Variants in AFG1L observed in about 807,000 individuals in gnomAD.
AFG1L encodes AFG1-like ATPase.
A neutral mutation model predicts 62.2 loss-of-function variants in AFG1L; 53 were observed. The ratio of observed to expected loss-of-function variants is 0.85; its 90% CI spans 0.68 to 1.07. The LOEUF (loss-of-function observed/expected upper bound fraction) is 1.07, where lower values mean the gene tolerates loss of function less well. Among genes scored for constraint, AFG1L ranks in the 50% least tolerant of loss-of-function variants. The pLI, the probability that AFG1L is intolerant of heterozygous loss-of-function variation, is 0.00. For missense variants in AFG1L, 555 were observed against 590.5 expected (o/e 0.94, Z 0.62); for synonymous variants, 228 against 210.3 (o/e 1.08, Z -0.73).
At chr6:108,416,075 G>C (rs1770253301) in intron 7 of AFG1L, among the ~76,000 whole-genome samples, 1 of 152,136 alleles carries the variant, frequency 6.6e-6, no homozygotes, top group East Asian at 1.9e-4. Flanking sequence ...AAATTTACAA[G>C]AAAAAGTCAA....
chr6:108,427,235 C>T lies in AFG1L; in HGVS notation c.808-19979C>T, dbSNP rs1184249417. On this transcript the variant is annotated intron_variant, in intron 7 of 12. Coordinates refer to ENST00000368977, the MANE Select transcript of AFG1L (RefSeq NM_145315.5). ...CTTCTGCCTCAGCCTTCTGAGTAGC[C>T]AGGACTACACACTTGGCTAACTTTT... 2.0e-5 allele frequency among the ~76,000 whole-genome samples: 3 copies of T among 151,938 alleles called. No homozygotes were observed. The East Asian group carries it at 5.8e-4, about 29-fold the overall frequency.
intron 2 of AFG1L, among the ~76,000 whole-genome samples, chr6:108,338,110 C>T (rs142400709): frequency 1.6e-3 from 239 of 152,192 alleles, no homozygotes; most frequent in African/African-American, 4.7e-3. Flanking sequence ...CTCTTGAGCC[C>T]GGGAGGTCAA....
At chr6:108,297,134 C>G (rs1401154997) in intron 1 of AFG1L, among the ~76,000 whole-genome samples, 3 of 152,164 alleles carry the variant, frequency 2.0e-5, no homozygotes, top group East Asian at 3.9e-4. Context: ...TGAGATAGAG[C>G]CTTGCTCTGT....
chr6:108,508,957 G>C (rs1310581774), intron 10 of AFG1L, among the ~76,000 whole-genome samples: 1 of 152,072 alleles, frequency 6.6e-6, no homozygotes, highest in Non-Finnish European at 1.5e-5. Context: ...GGTCGATCAG[G>C]GTGACCCAGG....
At chr6:108,412,588 A>C (rs1028619558) in intron 7 of AFG1L, among the ~76,000 whole-genome samples, 3 of 152,228 alleles carry the variant, frequency 2.0e-5, no homozygotes, top group Non-Finnish European at 4.4e-5. Context: ...CCTTCAAGCC[A>C]GAAGAGAGTG....
At chr6:108,505,727 T>G (rs896162538) in intron 10 of AFG1L, among the ~76,000 whole-genome samples, 19 of 152,102 alleles carry the variant, frequency 1.2e-4, no homozygotes, top group Non-Finnish European at 2.2e-4. Context: ...AGGGATGAGC[T>G]TAAGAGCAGA....
intron 7 of AFG1L, among the ~76,000 whole-genome samples, chr6:108,410,009 G>T (rs1782028766): frequency 1.3e-5 from 2 of 152,066 alleles, no homozygotes; most frequent in South Asian, 4.1e-4. Context: ...CCCCCATCAA[G>T]AATCATACAT....
intron 7 of AFG1L, among the ~76,000 whole-genome samples, chr6:108,402,334 G>A (rs997581888): frequency 8.1e-5 from 9 of 111,378 alleles, no homozygotes; most frequent in Non-Finnish European, 1.2e-4. Context: ...GTGGTGGCAT[G>A]CACCTGTAAT....
At chr6:108,442,822 C>T (rs952306690) in intron 7 of AFG1L, among the ~76,000 whole-genome samples, 2 of 152,118 alleles carry the variant, frequency 1.3e-5, no homozygotes, top group Non-Finnish European at 2.9e-5. Flanking sequence ...CCAGAAACCC[C>T]CCTTAGTCTT....
chr6:108,476,861 G>A lies in AFG1L; in HGVS notation c.891-4G>A, dbSNP rs1477306931. On this transcript the variant is annotated splice_polypyrimidine_tract_variant and splice_region_variant and intron_variant, in intron 8 of 12. Coordinates refer to ENST00000368977, the MANE Select transcript of AFG1L (RefSeq NM_145315.5). ...TTCATATTCTATTATTCTTTTCACTGTAGCACAAGTGAAGCTGATGTGGAG... is the reference window on the plus strand; with the variant it reads ...TTCATATTCTATTATTCTTTTCACTATAGCACAAGTGAAGCTGATGTGGAG... 2.5e-6 allele frequency: 4 copies of A among 1,607,488 alleles called. No individual in the cohort carries two copies. The African/African-American group carries it at 5.3e-5, about 21-fold the overall frequency.
At chr6:108,378,698 T>C (rs968982604) in intron 6 of AFG1L, among the ~76,000 whole-genome samples, 5 of 152,192 alleles carry the variant, frequency 3.3e-5, no homozygotes, top group Admixed American at 3.3e-4. Context: ...GTGAAATTTT[T>C]TGGTGGTGTC....
At chr6:108,441,895 C>T (rs1028058850) in intron 7 of AFG1L, among the ~76,000 whole-genome samples, 5 of 151,540 alleles carry the variant, frequency 3.3e-5, no homozygotes, top group Middle Eastern at 3.4e-3. Context: ...AGTTAGTTAC[C>T]CAGAAAGAGA....
At chr6:108,391,428 T>G (rs1388964177) in intron 6 of AFG1L, among the ~76,000 whole-genome samples, 1 of 152,238 alleles carries the variant, frequency 6.6e-6, no homozygotes, top group Non-Finnish European at 1.5e-5. Flanking sequence ...ATGTACCTTC[T>G]TTTGAGAATT....
At chr6:108,497,569 A>G (rs1774022201) in intron 10 of AFG1L, among the ~76,000 whole-genome samples, 3 of 152,064 alleles carry the variant, frequency 2.0e-5, no homozygotes, top group Admixed American at 6.6e-5. Context: ...TTCTAAAACG[A>G]TACCACAAAA....
intron 3 of AFG1L, among the ~76,000 whole-genome samples, chr6:108,347,552 G>T (rs1778909788): frequency 6.6e-6 from 1 of 152,120 alleles, no homozygotes; most frequent in Admixed American, 6.5e-5. Flanking sequence ...TAGACATTGG[G>T]CAGAAAGACT....
chr6:108,412,319 G>A (rs1782155741), intron 7 of AFG1L, among the ~76,000 whole-genome samples: 1 of 152,188 alleles, frequency 6.6e-6, no homozygotes, highest in Non-Finnish European at 1.5e-5. Context: ...GGGGAGAATG[G>A]AACCAAGTTG....
intron 10 of AFG1L, among the ~76,000 whole-genome samples, chr6:108,504,763 C>T (rs1163589418): frequency 1.3e-5 from 2 of 152,122 alleles, no homozygotes; most frequent in Non-Finnish European, 1.5e-5. Context: ...TATCTGTGTG[C>T]CCAGAAAGAA....
intron 10 of AFG1L, 133 bp from the exon 11 acceptor site, chr6:108,510,079 A>G (rs534261829): frequency 1.1e-5 from 7 of 616,880 alleles, no homozygotes; most frequent in Non-Finnish European, 1.9e-5. Context: ...CCTATGGGTA[A>G]CTTGGTCAAG....
intron 5 of AFG1L, among the ~76,000 whole-genome samples, chr6:108,358,253 A>G (rs1358631618): frequency 6.6e-6 from 1 of 152,232 alleles, no homozygotes; most frequent in Non-Finnish European, 1.5e-5. Flanking sequence ...AAATATCTCT[A>G]AATAAAACTG....
Sources: gnomAD v4.1 joint callset for allele counts (sites outside exome capture counted in the v4.1 genomes callset) on GRCh38, gnomAD v4.1.1 for gene constraint, MANE v1.5 for transcripts, NCBI Gene and HGNC (gene_info 2026-07-23, HGNC 2026-07-21) for gene names.